The following SH3RF3 variants were observed in gnomAD, a reference collection of about 807,000 sequenced individuals.
SH3RF3 encodes SH3 domain containing ring finger 3.
In SH3RF3, 29 loss-of-function variants were observed where a neutral mutation model predicts 66.3. That is an observed-to-expected ratio of 0.44 (90% CI 0.33 to 0.60). SH3RF3 has a LOEUF of 0.60. Ranked by LOEUF, SH3RF3 falls within the 20% of genes least tolerant of loss-of-function variation. The probability of loss-of-function intolerance (pLI) is 0.04; values close to 1 mark genes in which losing one functional copy is unlikely to be tolerated. For synonymous variants in SH3RF3, 583 were observed against 532.0 expected (o/e 1.10, Z -1.32); for missense variants, 1,194 against 1,190.9 (o/e 1.00, Z -0.04).
At chr2:109,441,419 G>A (rs1260004034) in intron 7 of SH3RF3, among the ~76,000 whole-genome samples, 1 of 152,100 alleles carries the variant, frequency 6.6e-6, no homozygotes, top group East Asian at 1.9e-4. Context: ...TATACTAGAT[G>A]GAATTAATGG....
At chr2:109,346,403 A>G (rs1361502860) in intron 1 of SH3RF3, among the ~76,000 whole-genome samples, 3 of 152,166 alleles carry the variant, frequency 2.0e-5, no homozygotes, top group Non-Finnish European at 4.4e-5. Flanking sequence ...TTGTGCTTCT[A>G]TTGATTGATT....
At chr2:109,177,315 T>C (rs1273850185) in intron 1 of SH3RF3, among the ~76,000 whole-genome samples, 1 of 152,156 alleles carries the variant, frequency 6.6e-6, no homozygotes, top group African/African-American at 2.4e-5. Flanking sequence ...TGATTTTCTT[T>C]TATATCTACT....
In SH3RF3 at chr2:109,130,125, T is replaced by C. The variant is rs1327102867; in HGVS notation, c.573+12T>C. On this transcript the variant is annotated intron_variant, in intron 1 of 9. Coordinates refer to ENST00000309415, the MANE Select transcript of SH3RF3 (RefSeq NM_001099289.3). Reference sequence around the variant, plus strand: ...CGCCGGCGGCAAAGGTGAGTATCTGTCTCGGCGGAAGTGGCCACGGCACGT... The same window carrying C: ...CGCCGGCGGCAAAGGTGAGTATCTGCCTCGGCGGAAGTGGCCACGGCACGT... 13 of 1,289,870 alleles carry C rather than the reference T, an allele frequency of 1.0e-5. No homozygotes were observed. The highest frequency in any genetic ancestry group is 1.3e-5 in the Non-Finnish European group (13 of 1,021,300). 79.9% of individuals were successfully genotyped at this position (1,289,870 alleles called of 1,614,324 possible). A position where few individuals can be genotyped will look rare whatever the true frequency, so the allele number is the denominator to read the frequency against.
At chr2:109,446,350 G>A (rs13412231) in intron 7 of SH3RF3, among the ~76,000 whole-genome samples, 3,981 of 152,266 alleles carry the variant, frequency 0.026, 166 homozygotes, top group African/African-American at 0.09. Context: ...CATTGCGGGC[G>A]TTATCGTGAA....
At chr2:109,146,632 T>G (rs1051583532) in intron 1 of SH3RF3, among the ~76,000 whole-genome samples, 3 of 152,188 alleles carry the variant, frequency 2.0e-5, no homozygotes, top group African/African-American at 7.2e-5. Context: ...GCACCATGGG[T>G]GGCTGACTGA....
intron 6 of SH3RF3, 89 bp from the exon 7 acceptor site, chr2:109,436,804 G>T: frequency 6.7e-7 from 1 of 1,499,862 alleles, no homozygotes; most frequent in Non-Finnish European, 8.9e-7. Context: ...CTTAAAGCCA[G>T]CAGGTCAGAG....
At chr2:109,407,865 T>C (rs1229083800) in intron 4 of SH3RF3, among the ~76,000 whole-genome samples, 1 of 152,192 alleles carries the variant, frequency 6.6e-6, no homozygotes, top group Non-Finnish European at 1.5e-5. Flanking sequence ...GAGGACACCG[T>C]GGCTGCCTGT....
intron 5 of SH3RF3, among the ~76,000 whole-genome samples, chr2:109,426,078 T>C (rs35538225): frequency 3.3e-5 from 5 of 152,244 alleles, no homozygotes; most frequent in East Asian, 1.9e-4. Context: ...TTGTATATTG[T>C]ATATTTTTTT....
chr2:109,393,424 A>G (rs543477877), intron 3 of SH3RF3, among the ~76,000 whole-genome samples: 1 of 152,278 alleles, frequency 6.6e-6, no homozygotes, highest in South Asian at 2.1e-4. Flanking sequence ...GCCCACACCT[A>G]TTGAGCCGGA....
At chr2:109,354,435 G>A (rs189638327) in intron 2 of SH3RF3, among the ~76,000 whole-genome samples, 19 of 152,372 alleles carry the variant, frequency 1.2e-4, no homozygotes, top group Non-Finnish European at 2.5e-4. Flanking sequence ...GAGCAGGGCT[G>A]TGGGCCACTC....
rs201816208 is a variant in SH3RF3 at position 109,248,337 on chromosome 2, ATTC to A, written c.574-99331_574-99329del. Among the ~76,000 whole-genome samples the A allele has an allele frequency of 8.5e-3, 1,299 of 152,296 alleles. 15 individuals are homozygous for A. The highest frequency in any genetic ancestry group is 0.03 in the African/African-American group (1,242 of 41,556). The stretch of plus-strand genomic sequence containing the variant: ...TCCCCACCCTTGAAGCCATACAGAT[ATTC>A]TTCTTATTGTTTCCTGAAAGTTTTA... On this transcript the variant is annotated intron_variant, in intron 1 of 9. Transcript: ENST00000309415.
At chr2:109,452,551 G>A (rs1677905237) in intron 8 of SH3RF3, among the ~76,000 whole-genome samples, 1 of 152,336 alleles carries the variant, frequency 6.6e-6, no homozygotes, top group African/African-American at 2.4e-5. Flanking sequence ...AGAGAAGGCA[G>A]GGTGGATACA....
intron 8 of SH3RF3, among the ~76,000 whole-genome samples, chr2:109,480,680 G>A (rs1678813002): frequency 6.6e-6 from 1 of 152,154 alleles, no homozygotes; most frequent in South Asian, 2.1e-4. Context: ...ATGTGGAGGG[G>A]TGGAGCACAC....
At chr2:109,400,033 CGGGGAATCAT>C (rs897347158) in intron 4 of SH3RF3, among the ~76,000 whole-genome samples, 3 of 152,214 alleles carry the variant, frequency 2.0e-5, no homozygotes, top group Non-Finnish European at 4.4e-5. Context: ...CGCTGATCTG[CGGGGAATCAT>C]GGGGCAGACA....
intron 1 of SH3RF3, among the ~76,000 whole-genome samples, chr2:109,257,653 C>T (rs1450027539): frequency 6.6e-6 from 1 of 152,134 alleles, no homozygotes; most frequent in Non-Finnish European, 1.5e-5. Context: ...TTCTGAGTGC[C>T]TTGGTTTGCG....
intron 2 of SH3RF3, 125 bp from the exon 3 acceptor site, chr2:109,371,461 C>T: frequency 1.5e-6 from 1 of 687,422 alleles, no homozygotes. Flanking sequence ...ATGGATAATG[C>T]ACTCTTCTTG....
chr2:109,392,659 C>T (rs1676032884), intron 3 of SH3RF3, among the ~76,000 whole-genome samples: 1 of 152,146 alleles, frequency 6.6e-6, no homozygotes, highest in Admixed American at 6.5e-5. Context: ...GCTGGGACTA[C>T]AGGCGCCTGC....
chr2:109,238,498 T>TGA (rs1270158111), intron 1 of SH3RF3, among the ~76,000 whole-genome samples: 1 of 131,438 alleles, frequency 7.6e-6, no homozygotes, highest in East Asian at 2.2e-4. Flanking sequence ...TGTGTGTGTG[T>TGA]GAGAGTGAGA....
At chr2:109,423,511 C>T (rs754745807) in intron 5 of SH3RF3, among the ~76,000 whole-genome samples, 2 of 152,188 alleles carry the variant, frequency 1.3e-5, no homozygotes, top group Non-Finnish European at 2.9e-5. Context: ...ACAGGGGCAC[C>T]TTCCATTCCA....
Sources: gnomAD v4.1 joint callset for allele counts (sites outside exome capture counted in the v4.1 genomes callset) on GRCh38, gnomAD v4.1.1 for gene constraint, MANE v1.5 for transcripts, NCBI Gene and HGNC (gene_info 2026-07-23, HGNC 2026-07-21) for gene names.